The following CORO2B variants were observed in gnomAD, a reference collection of about 807,000 sequenced individuals.
CORO2B encodes the protein coronin 2B.
Under a neutral mutation model 58.8 loss-of-function variants are expected in CORO2B, and 26 were observed. The ratio of observed to expected loss-of-function variants is 0.44; its 90% CI spans 0.32 to 0.61. The LOEUF is 0.61. Ranked by LOEUF, CORO2B falls within the 20% of genes least tolerant of loss-of-function variation. The pLI is 0.04. For missense variants in CORO2B, 460 were observed against 645.1 expected (o/e 0.71, Z 3.11); for synonymous variants, 242 against 253.8 (o/e 0.95, Z 0.44).
intron 2 of CORO2B, among the ~76,000 whole-genome samples, chr15:68,658,185 ACT>A (rs1382247540): frequency 1.3e-5 from 2 of 152,134 alleles, no homozygotes; most frequent in Non-Finnish European, 2.9e-5. Flanking sequence ...ACATTCTGAA[ACT>A]CTGTGCTTCT....
At chr15:68,579,609 C>A (rs1899374724) in intron 1 of CORO2B, among the ~76,000 whole-genome samples, 1 of 152,170 alleles carries the variant, frequency 6.6e-6, no homozygotes, top group Non-Finnish European at 1.5e-5. Flanking sequence ...CGGTGTCCCT[C>A]CAGGGAGTGC....
At chr15:68,571,096 G>A in the CORO2B span, among the ~76,000 whole-genome samples, 1 of 152,196 alleles carries the variant, frequency 6.6e-6, no homozygotes, top group Non-Finnish European at 1.5e-5. Flanking sequence ...AAGAATTTGG[G>A]ATAGTGATCT....
intron 2 of CORO2B, among the ~76,000 whole-genome samples, chr15:68,662,292 A>G (rs1902042212): frequency 6.6e-6 from 1 of 152,248 alleles, no homozygotes; most frequent in Non-Finnish European, 1.5e-5. Flanking sequence ...ATTAGAATCT[A>G]TAGGTTATAC....
chr15:68,666,506 C>T (rs979588101), intron 2 of CORO2B, among the ~76,000 whole-genome samples: 10 of 152,320 alleles, frequency 6.6e-5, no homozygotes, highest in South Asian at 2.1e-4. Flanking sequence ...TGACAGCTGG[C>T]GGGAATTTCC....
intron 1 of CORO2B, among the ~76,000 whole-genome samples, chr15:68,600,164 C>G (rs574569960): frequency 7.9e-5 from 12 of 152,192 alleles, no homozygotes; most frequent in Non-Finnish European, 1.0e-4. Context: ...AACAAACAAG[C>G]CTCCATCTAA....
At chr15:68,555,215 T>C in the CORO2B span, among the ~76,000 whole-genome samples, 1 of 152,264 alleles carries the variant, frequency 6.6e-6, no homozygotes, top group Middle Eastern at 3.4e-3. Flanking sequence ...CTGGGAAAAG[T>C]GAGTCCTGAT....
At chr15:68,576,380 A>G (rs981876160), upstream of CORO2B, among the ~76,000 whole-genome samples, 9 of 151,964 alleles carry the variant, frequency 5.9e-5, no homozygotes, top group African/African-American at 1.7e-4. Flanking sequence ...AGAACATCAC[A>G]TGGGTTGGGG....
chr15:68,550,223 C>T, the CORO2B span, among the ~76,000 whole-genome samples: 2 of 151,618 alleles, frequency 1.3e-5, no homozygotes, highest in Non-Finnish European at 2.9e-5. Context: ...CATGAAAATA[C>T]AGAGTGGGTC....
intron 1 of CORO2B, among the ~76,000 whole-genome samples, chr15:68,634,331 C>T (rs1266145007): frequency 6.6e-6 from 1 of 152,224 alleles, no homozygotes; most frequent in Admixed American, 6.5e-5. Context: ...CGCTGGCCGG[C>T]AGGGTGGTTG....
At chr15:68,715,910 C>A (rs1893021302) in intron 8 of CORO2B, among the ~76,000 whole-genome samples, 1 of 152,224 alleles carries the variant, frequency 6.6e-6, no homozygotes, top group Non-Finnish European at 1.5e-5. Context: ...TATGATTCAG[C>A]AATTCTATAT....
At position 68,710,569 on chromosome 15, in the gene CORO2B, G is replaced by C. The variant is rs911401400; in HGVS notation, c.334-163G>C. On this transcript the variant is annotated intron_variant, in intron 3 of 11. Transcript: ENST00000261861. The surrounding 1 kb of genome is among the most constrained non-coding windows in gnomAD (Gnocchi z 4.1). ...TCCTTCCTCTCCAGCCACACCCTGA[G>C]ACCTCCCAGCAGGCCTCAGTCGAGC... Among the ~76,000 whole-genome samples, 1 of 152,192 alleles carries C rather than the reference G, an allele frequency of 6.6e-6. No individual in the cohort carries two copies. Among genetic ancestry groups the C allele is most frequent in the Non-Finnish European group, 1.5e-5 (1 of 68,036 alleles).
chr15:68,538,485 G>A, the CORO2B span, among the ~76,000 whole-genome samples: 1 of 152,196 alleles, frequency 6.6e-6, no homozygotes, highest in Non-Finnish European at 1.5e-5. Context: ...TGGTGACTGT[G>A]AGGAGGTCCT....
chr15:68,558,206 C>T, the CORO2B span, among the ~76,000 whole-genome samples: 436 of 152,270 alleles, frequency 2.9e-3, 18 homozygotes, highest in East Asian at 0.067. Flanking sequence ...GACTACACAG[C>T]GGGGCTGGTG....
chr15:68,710,574 C>A lies in CORO2B; in HGVS notation c.334-158C>A, dbSNP rs957816191. On this transcript the variant is annotated intron_variant, in intron 3 of 11. Coordinates refer to ENST00000261861, the MANE Select transcript of CORO2B (RefSeq NM_006091.5). This position sits in a 1 kb window ranked among gnomAD's most constrained non-coding sequence, Gnocchi z 4.1. ...CCTCTCCAGCCACACCCTGAGACCTCCCAGCAGGCCTCAGTCGAGCTTTGC... is the reference window on the plus strand; with the variant it reads ...CCTCTCCAGCCACACCCTGAGACCTACCAGCAGGCCTCAGTCGAGCTTTGC... Among the ~76,000 whole-genome samples, 2 of 152,208 alleles carry A rather than the reference C, an allele frequency of 1.3e-5. No homozygotes were observed. Among genetic ancestry groups the A allele is most frequent in the African/African-American group, 4.8e-5 (2 of 41,450 alleles).
chr15:68,559,951 G>A, the CORO2B span, among the ~76,000 whole-genome samples: 1 of 152,238 alleles, frequency 6.6e-6, no homozygotes, highest in Non-Finnish European at 1.5e-5. This position sits in a 1 kb window ranked among gnomAD's most constrained non-coding sequence, Gnocchi z 4.3. Flanking sequence ...GAAGTTTGTT[G>A]GGGATTTAAA....
intron 2 of CORO2B, among the ~76,000 whole-genome samples, chr15:68,670,349 A>T (rs1482051331): frequency 6.6e-6 from 1 of 151,662 alleles, no homozygotes; most frequent in East Asian, 1.9e-4. Context: ...TAATTTTTTA[A>T]TTTTTTTTGG....
At chr15:68,607,380 TG>T (rs1213859422) in intron 1 of CORO2B, among the ~76,000 whole-genome samples, 1 of 152,154 alleles carries the variant, frequency 6.6e-6, no homozygotes, top group Non-Finnish European at 1.5e-5. Context: ...CATGATGACT[TG>T]GGGCTCCAGG....
intron 1 of CORO2B, among the ~76,000 whole-genome samples, chr15:68,585,287 A>C (rs1899523135): frequency 6.6e-6 from 1 of 152,174 alleles, no homozygotes; most frequent in African/African-American, 2.4e-5. Flanking sequence ...GGCGGGATGC[A>C]CGCCCAGATC....
chr15:68,713,528 A>C (rs1892966395), intron 5 of CORO2B, among the ~76,000 whole-genome samples: 1 of 152,190 alleles, frequency 6.6e-6, no homozygotes, highest in Admixed American at 6.5e-5. Context: ...GTCCCACATC[A>C]AGGTGTCAGC....
Sources: allele counts gnomAD v4.1 joint callset (sites outside exome capture counted in the v4.1 genomes callset), GRCh38; gene constraint gnomAD v4.1.1; non-coding constraint Gnocchi (gnomAD v3.1); transcripts MANE v1.5; gene names NCBI Gene and HGNC (gene_info 2026-07-23, HGNC 2026-07-21).